Variants in SNAPC1 observed in about 807,000 individuals in gnomAD.
The protein encoded by SNAPC1 is snRNA-activating protein complex subunit 1.
SNAPC1 carries 42 observed loss-of-function variants against 50.1 expected under a neutral mutation model. The ratio of observed to expected loss-of-function variants is 0.84; its 90% CI spans 0.65 to 1.08. SNAPC1 has a LOEUF of 1.08. Among genes scored for constraint, SNAPC1 ranks in the 50% least tolerant of loss-of-function variants. The probability of loss-of-function intolerance (pLI) is 0.00; values close to 1 mark genes in which losing one functional copy is unlikely to be tolerated. For missense variants in SNAPC1, 477 were observed against 427.3 expected (o/e 1.12, Z -1.02); for synonymous variants, 164 against 144.2 (o/e 1.14, Z -0.98).
intron 8 of SNAPC1, among the ~76,000 whole-genome samples, chr14:61,786,503 A>G (rs1217012800): frequency 6.6e-6 from 1 of 152,230 alleles, no homozygotes; most frequent in African/African-American, 2.4e-5. Context: ...TTCACCAAAG[A>G]AAAGATATGG....
chr14:61,766,056 A>G (rs1250763891), intron 1 of SNAPC1, among the ~76,000 whole-genome samples: 3 of 152,240 alleles, frequency 2.0e-5, no homozygotes, highest in African/African-American at 7.2e-5. Flanking sequence ...AATTAAGACT[A>G]AATAGTAACT....
chr14:61,785,029 G>A (rs1337375595), intron 8 of SNAPC1, among the ~76,000 whole-genome samples: 2 of 152,172 alleles, frequency 1.3e-5, no homozygotes, highest in Admixed American at 1.3e-4. Flanking sequence ...AAGATTAAAA[G>A]GTGACCAAGG....
chr14:61,782,359 T>A lies in SNAPC1; in HGVS notation c.938T>A (p.Leu313Ter). 6.2e-7 allele frequency: 1 copy of A among 1,613,514 alleles called. No individual in the cohort carries two copies. The highest frequency in any genetic ancestry group is 8.5e-7 in the Non-Finnish European group (1 of 1,179,808). The change falls in exon 8 of 10, where the codon TTG (leucine) becomes TAG (stop). Residue 313 changes from leucine to a stop codon, truncating the protein, a stop_gained. Coordinates refer to ENST00000216294, the MANE Select transcript of SNAPC1 (RefSeq NM_003082.4). LOFTEE classifies it high-confidence loss of function. ...AGGAAAAAAGAGAAGAAAGAAAGAT[T>A]GAAACCAGCAGGAAGGAAGATGTCT... ...ATRKKEKKER[L>*]KPAGRKMSLR...
chr14:61,785,778 A>G (rs970886208), intron 8 of SNAPC1, among the ~76,000 whole-genome samples: 3 of 152,138 alleles, frequency 2.0e-5, no homozygotes, highest in African/African-American at 7.2e-5. Flanking sequence ...ATAATACGCA[A>G]TTTACTCTGG....
chr14:61,775,739 G>T (rs2045030903), intron 4 of SNAPC1, among the ~76,000 whole-genome samples: 1 of 150,426 alleles, frequency 6.6e-6, no homozygotes, highest in African/African-American at 2.5e-5. Flanking sequence ...AAATATCTTA[G>T]TTATCAGTAG....
At chr14:61,786,262 T>A (rs8020315) in intron 8 of SNAPC1, among the ~76,000 whole-genome samples, 53,075 of 151,494 alleles carry the variant, frequency 0.35, 9,760 homozygotes, top group African/African-American at 0.46. Flanking sequence ...CATGACACAA[T>A]AACACGAGCA....
chr14:61,764,496 A>G (rs1254678), intron 1 of SNAPC1, among the ~76,000 whole-genome samples: 148,893 of 152,262 alleles, frequency 0.98, 72,879 homozygotes, highest in East Asian at 1. Context: ...TATTTATTGC[A>G]TAAGACAGTT....
chr14:61,773,802 G>A (rs1002777940), intron 4 of SNAPC1, among the ~76,000 whole-genome samples: 2 of 151,108 alleles, frequency 1.3e-5, no homozygotes, highest in African/African-American at 2.4e-5. Flanking sequence ...CCACCTCCCA[G>A]GTTCAAGCGA....
chr14:61,762,574 CG>C lies in SNAPC1; in HGVS notation c.117del (p.Thr40LeufsTer7), dbSNP rs754484183. On this transcript the variant is annotated frameshift_variant, in exon 1 of 10. Transcript: ENST00000216294. LOFTEE classifies it high-confidence loss of function. Reference protein sequence around the residue: ...FTELWRNMKFGTIFCGRMRNL... With the variant: ...FTELWRNMKFXTIFCGRMRNL... ...CGGAGCTCTGGAGAAACATGAAGTT[CG>C]GGACTATCTTCTGGTGGGTGTTTCT... is the stretch of plus-strand genomic sequence containing the variant. The C allele has an allele frequency of 6.2e-7, 1 of 1,611,142 alleles. No homozygotes were observed.
intron 4 of SNAPC1, among the ~76,000 whole-genome samples, chr14:61,774,602 A>G (rs2045020033): frequency 6.8e-6 from 1 of 146,136 alleles, no homozygotes; most frequent in South Asian, 2.1e-4. Flanking sequence ...CCCATTGCAG[A>G]TCCTGCATAT....
intron 4 of SNAPC1, among the ~76,000 whole-genome samples, chr14:61,774,705 G>A (rs1008187049): frequency 1.6e-5 from 2 of 125,572 alleles, no homozygotes; most frequent in African/African-American, 3.1e-5. Flanking sequence ...CTCTTGTTGC[G>A]CAGGCTGGAG....
intron 4 of SNAPC1, among the ~76,000 whole-genome samples, chr14:61,775,546 A>G (rs1158462024): frequency 6.6e-6 from 1 of 151,984 alleles, no homozygotes; most frequent in Non-Finnish European, 1.5e-5. Context: ...GAGCCACCAC[A>G]CCTGGCCTAC....
intron 4 of SNAPC1, among the ~76,000 whole-genome samples, chr14:61,773,705 T>A (rs1322316439): frequency 6.7e-5 from 10 of 149,474 alleles, no homozygotes; most frequent in East Asian, 4.0e-4. Flanking sequence ...CTTTTTTTTT[T>A]TTTTATTTTT....
chr14:61,767,314 C>T lies in SNAPC1; in HGVS notation c.391C>T (p.Leu131=). 1.3e-6 allele frequency: 2 copies of T among 1,511,360 alleles called. No individual in the cohort carries two copies. The highest frequency in any genetic ancestry group is 1.8e-6 in the Non-Finnish European group (2 of 1,129,576). The allele number at this position is 1,511,360 out of a possible 1,614,324, so 93.6% of individuals were successfully genotyped here. A position where few individuals can be genotyped will look rare whatever the true frequency, so the allele number is the denominator to read the frequency against. The change falls in exon 3 of 10, where the codon CTA becomes TTA. Residue 131 remains leucine (L), a synonymous_variant. Transcript: ENST00000216294. ...DAAYIFRKLR[L]DRAFHFTAMP... is the part of the protein sequence containing the mutation. ...AGCTTATATTTTTAGGAAGCTACGACTAGACAGAGCATTTCACTTTACAGC... is the reference window on the plus strand; with the variant it reads ...AGCTTATATTTTTAGGAAGCTACGATTAGACAGAGCATTTCACTTTACAGC...
intron 6 of SNAPC1, 116 bp from the exon 7 acceptor site, chr14:61,778,732 C>A: frequency 1.4e-6 from 1 of 699,122 alleles, no homozygotes; most frequent in Non-Finnish European, 2.5e-6. Context: ...ATGTTAGTTT[C>A]TTTTACCCTA....
At chr14:61,765,758 T>C (rs927819855) in intron 1 of SNAPC1, among the ~76,000 whole-genome samples, 1 of 152,172 alleles carries the variant, frequency 6.6e-6, no homozygotes, top group Non-Finnish European at 1.5e-5. Context: ...TGTTATTTCA[T>C]TGATTGATTG....
At chr14:61,782,627 T>A (rs1297929239) in intron 8 of SNAPC1, among the ~76,000 whole-genome samples, 2 of 152,168 alleles carry the variant, frequency 1.3e-5, no homozygotes, top group Non-Finnish European at 2.9e-5. Context: ...AATTTTGGCC[T>A]GGCCGGGTGC....
intron 1 of SNAPC1, among the ~76,000 whole-genome samples, chr14:61,763,576 A>T (rs1421724960): frequency 1.5e-5 from 2 of 132,010 alleles, no homozygotes; most frequent in Non-Finnish European, 3.1e-5. Flanking sequence ...TGTCCACCTT[A>T]TTCTTCACTC....
chr14:61,770,277 C>T (rs982972006), intron 4 of SNAPC1, among the ~76,000 whole-genome samples: 1 of 147,242 alleles, frequency 6.8e-6, no homozygotes, highest in Non-Finnish European at 1.5e-5. Context: ...GGATCTTCCT[C>T]TGTCACCCAG....
Sources: allele counts gnomAD v4.1 joint callset (sites outside exome capture counted in the v4.1 genomes callset), GRCh38; gene constraint gnomAD v4.1.1; transcripts MANE v1.5; gene names NCBI Gene and HGNC (gene_info 2026-07-23, HGNC 2026-07-21).